The following SH2D5 variants were observed in gnomAD, a reference collection of about 807,000 sequenced individuals.
SH2D5 encodes the protein SH2 domain-containing protein 5.
In SH2D5, 45 loss-of-function variants were observed where a neutral mutation model predicts 48.2. The observed-to-expected ratio is 0.93, with a 90% CI of 0.73 to 1.20. The LOEUF is 1.20. SH2D5 is among the 50% of genes most tolerant of loss of function. SH2D5 has a pLI of 0.00. For synonymous variants in SH2D5, 230 were observed against 249.8 expected (o/e 0.92, Z 0.75); for missense variants, 538 against 584.1 (o/e 0.92, Z 0.81).
At chr1:20,727,317 T>G (rs2054820530) in intron 3 of SH2D5, among the ~76,000 whole-genome samples, 1 of 152,094 alleles carries the variant, frequency 6.6e-6, no homozygotes, top group South Asian at 2.1e-4. Flanking sequence ...ATCTGTGGCT[T>G]CCAGCTGTGG....
rs2054745099 is a variant in SH2D5 at position 20,724,108 on chromosome 1, C to G, written c.774G>C (p.Gln258His). Reference sequence around the variant, plus strand: ...AGGCCTCCCGAGCCGACAGCTGCAGCTGGGTCTCATAGGTGCAGCCGCGGT... The same window carrying G: ...AGGCCTCCCGAGCCGACAGCTGCAGGTGGGTCTCATAGGTGCAGCCGCGGT... ...GAYRGCTYETQLQLSAREAFP... is the reference protein window; with the variant it reads ...GAYRGCTYETHLQLSAREAFP... Residue 258 changes from glutamine (Q) to histidine (H), a missense_variant, in exon 7 of 10, where the codon CAG becomes CAC. Transcript: ENST00000444387. The G allele has an allele frequency of 2.5e-6, 4 of 1,612,134 alleles. No individual in the cohort carries two copies. Among genetic ancestry groups the G allele is most frequent in the Non-Finnish European group, 3.4e-6 (4 of 1,179,278 alleles).
rs1375846122 is a variant in SH2D5, at chr1:20,728,039, C to A, written c.6G>T (p.Gln2His). 1 of 1,545,700 alleles carries A rather than the reference C, an allele frequency of 6.5e-7. No individual in the cohort carries two copies. Among genetic ancestry groups the A allele is most frequent in the South Asian group, 1.2e-5 (1 of 84,116 alleles). M[Q>H]KAGAGGRRAS... ...CCCTGCGGCCCCCAGCCCCCGCCTTCTGCATGGCCCCCAGGGTGCCTGGCT... is the reference window on the plus strand; with the variant it reads ...CCCTGCGGCCCCCAGCCCCCGCCTTATGCATGGCCCCCAGGGTGCCTGGCT... The change falls in exon 2 of 10, where the codon CAG becomes CAT. Residue 2 changes from glutamine to histidine, a missense_variant. Gln to His is a conservative substitution (Grantham distance 24). Transcript: ENST00000444387. The surrounding 1 kb of genome is among the most constrained non-coding windows in gnomAD (Gnocchi z 4.3).
At chr1:20,726,980 T>G (rs759414487) in intron 4 of SH2D5, 21 bp downstream of exon 4, 3 of 1,600,830 alleles carry the variant, frequency 1.9e-6, no homozygotes, top group Admixed American at 3.4e-5. Flanking sequence ...AGTCCTCACC[T>G]GCACCCACAG....
chr1:20,720,580 A>G lies in SH2D5; in HGVS notation c.*1212T>C, dbSNP rs907187995. 1.8e-4 allele frequency: 27 copies of G among 152,252 alleles called. No homozygotes were observed. Among genetic ancestry groups the G allele is most frequent in the African/African-American group, 6.0e-4 (25 of 41,458 alleles). The allele number at this position is 152,252 out of a possible 1,614,324, so 9.4% of individuals were successfully genotyped here. ...GCTTCAATAAGAGAAGTTCATGCAA[A>G]ATGAACTTGTTCTATAACAGAGTTC... On this transcript the variant is annotated 3_prime_UTR_variant, in exon 10 of 10. Transcript: ENST00000444387.
Position 20,729,584 on chromosome 1 carries a change from T to A in SH2D5, c.-42-1498A>T, listed in dbSNP as rs765723937. On this transcript the variant is annotated intron_variant, in intron 1 of 9. Transcript: ENST00000444387. This position sits in a 1 kb window ranked among gnomAD's most constrained non-coding sequence, Gnocchi z 4.2. ...GAGGACAGCGGGGTCTGACCACTTC[T>A]GCTCCCCTCCTTGTCCTTGGCCACA... is the stretch of plus-strand genomic sequence containing the variant. 2.0e-5 allele frequency among the ~76,000 whole-genome samples: 3 copies of A among 152,136 alleles called. No homozygotes were observed. The highest frequency in any genetic ancestry group is 4.4e-5 in the Non-Finnish European group (3 of 68,018).
At position 20,729,028 on chromosome 1, in the gene SH2D5, C is replaced by T. The variant is rs551789494; in HGVS notation, c.-42-942G>A. 3.9e-5 allele frequency among the ~76,000 whole-genome samples: 6 copies of T among 152,194 alleles called. No homozygotes were observed. Among genetic ancestry groups the T allele is most frequent in the African/African-American group, 7.2e-5 (3 of 41,440 alleles). ...GCCCTGGGGGCTGAGGACCACCCCCCACCGTCCAGCCCAGCCAGGTTCTGG... is the reference window on the plus strand; with the variant it reads ...GCCCTGGGGGCTGAGGACCACCCCCTACCGTCCAGCCCAGCCAGGTTCTGG... On this transcript the variant is annotated intron_variant, in intron 1 of 9. Transcript: ENST00000444387. The surrounding 1 kb of genome is among the most constrained non-coding windows in gnomAD (Gnocchi z 4.2).
chr1:20,723,806 C>T (rs1476559396), intron 7 of SH2D5, 72 bp from the exon 8 acceptor site: 1 of 1,295,708 alleles, frequency 7.7e-7, no homozygotes, highest in Non-Finnish European at 1.1e-6. Flanking sequence ...CAGGCCTCAT[C>T]ACCCAGGGTG....
chr1:20,725,012 A>G (rs2054768227), intron 5 of SH2D5, among the ~76,000 whole-genome samples: 1 of 152,162 alleles, frequency 6.6e-6, no homozygotes. Context: ...TTGGGTTCCA[A>G]TCCTGGCTCT....
chr1:20,731,719 C>A (rs1196423752), intron 1 of SH2D5: 4 of 152,188 alleles, frequency 2.6e-5, no homozygotes, highest in Admixed American at 6.5e-5. Flanking sequence ...TGGGCCGAGG[C>A]CCCTGAGGGG....
chr1:20,724,496 C>T lies in SH2D5; in HGVS notation c.530G>A (p.Gly177Asp), dbSNP rs2054756891. The part of the protein sequence containing the change: ...VPLKPLSSSG[G>D]LVREPFGRDQ... ...ACGGCCGAAGGGCTCCCGCACCAGGCCCCCAGAGCTGGACAGTGGCTTCAG... is the reference window on the plus strand; with the variant it reads ...ACGGCCGAAGGGCTCCCGCACCAGGTCCCCAGAGCTGGACAGTGGCTTCAG... Residue 177 changes from glycine (G) to aspartate (D), a missense_variant, in exon 6 of 10, where the codon GGC becomes GAC. By Grantham distance (94) the Gly-to-Asp change is moderately conservative. Transcript: ENST00000444387. The T allele has an allele frequency of 1.3e-5, 21 of 1,612,586 alleles. No individual in the cohort carries two copies. The highest frequency in any genetic ancestry group is 9.9e-5 in the South Asian group (9 of 91,040).
intron 9 of SH2D5, 26 bp from the exon 10 acceptor site, chr1:20,722,021 C>T (rs757608777): frequency 3.7e-6 from 6 of 1,601,814 alleles, no homozygotes; most frequent in South Asian, 1.1e-5. Flanking sequence ...ACTTCAGCTC[C>T]AGTCCCCTTC....
At chr1:20,723,027 G>A in intron 8 of SH2D5, 112 bp from the exon 9 acceptor site, 3 of 1,079,114 alleles carry the variant, frequency 2.8e-6, no homozygotes, top group Non-Finnish European at 2.5e-6. Flanking sequence ...TAAACACACG[G>A]TGCGTTGGCC....
chr1:20,728,035 C>T lies in SH2D5; in HGVS notation c.10G>A (p.Ala4Thr), dbSNP rs2154538638. The change falls in exon 2 of 10, where the codon GCG (alanine) becomes ACG (threonine). Residue 4 changes from alanine to threonine, a missense_variant. Transcript: ENST00000444387. This position sits in a 1 kb window ranked among gnomAD's most constrained non-coding sequence, Gnocchi z 4.3. MQKAGAGGRRASDC... is the reference protein window; with the variant it reads MQKTGAGGRRASDC... ...GAGGCCCTGCGGCCCCCAGCCCCCG[C>T]CTTCTGCATGGCCCCCAGGGTGCCT... 1 of 1,548,140 alleles carries T rather than the reference C, an allele frequency of 6.5e-7. No individual in the cohort carries two copies. The highest frequency in any genetic ancestry group is 1.4e-5 in the African/African-American group (1 of 73,384).
In SH2D5 at chr1:20,719,742, A is replaced by G. The variant is rs574976005; in HGVS notation, c.*2050T>C. ...TGTAGCAGACAATCTGAAGCAACAC[A>G]TTTTATTTTGTTTCAAGTCCACACA... is the stretch of plus-strand genomic sequence containing the variant. On this transcript the variant is annotated 3_prime_UTR_variant, in exon 10 of 10. Coordinates refer to ENST00000444387, the MANE Select transcript of SH2D5 (RefSeq NM_001103161.2). 30 of 152,208 alleles carry G rather than the reference A, an allele frequency of 2.0e-4. No homozygotes were observed. The highest frequency in any genetic ancestry group is 7.0e-4 in the African/African-American group (29 of 41,446). The allele number at this position is 152,208 out of a possible 1,614,324, so 9.4% of individuals were successfully genotyped here.
At chr1:20,724,316 GC>G (rs2154538484) in intron 6 of SH2D5, 65 bp from the exon 7 acceptor site, 5 of 1,601,834 alleles carry the variant, frequency 3.1e-6, no homozygotes, top group Non-Finnish European at 4.3e-6. Context: ...GCCAAGTGAA[GC>G]CCCTGCCCTG....
chr1:20,725,659 C>T (rs1480190753), intron 5 of SH2D5, among the ~76,000 whole-genome samples: 1 of 152,184 alleles, frequency 6.6e-6, no homozygotes, highest in East Asian at 1.9e-4. Flanking sequence ...ACGGCATGAG[C>T]GAAGGCCTGG....
chr1:20,728,860 C>A lies in SH2D5; in HGVS notation c.-42-774G>T, dbSNP rs559365072. ...TGGCCAGAGCTGATGAGGCCAGGGACCTGCTGCATGGGACCCTGCCTCACT... is the reference window on the plus strand; with the variant it reads ...TGGCCAGAGCTGATGAGGCCAGGGAACTGCTGCATGGGACCCTGCCTCACT... On this transcript the variant is annotated intron_variant, in intron 1 of 9. Transcript: ENST00000444387. The surrounding 1 kb of genome is among the most constrained non-coding windows in gnomAD (Gnocchi z 4.3). Among the ~76,000 whole-genome samples, 102 of 152,282 alleles carry A rather than the reference C, an allele frequency of 6.7e-4. No individual in the cohort carries two copies. Among genetic ancestry groups the A allele is most frequent in the African/African-American group, 2.3e-3 (96 of 41,554 alleles).
At position 20,722,801 on chromosome 1, in the gene SH2D5, C is replaced by T. The variant is rs1183130956; in HGVS notation, c.1023G>A (p.Val341=). 28 of 1,586,772 alleles carry T rather than the reference C, an allele frequency of 1.8e-5. No individual in the cohort carries two copies. Among genetic ancestry groups the T allele is most frequent in the Middle Eastern group, 1.7e-4 (1 of 5,920 alleles). ...GGTGGTTCCGGAAGACCTGGTGGGG[C>T]ACCACGCCGCACTGCGTGCGCACGG... ...CLSVRTQCGV[V]PHQVFRNHLG... is the part of the protein sequence containing the mutation. The change falls in exon 9 of 10, where the codon GTG becomes GTA. Residue 341 remains valine, a synonymous_variant. Transcript: ENST00000444387.
In SH2D5 at chr1:20,724,592, G is replaced by C. The variant is rs760641945; in HGVS notation, c.434C>G (p.Ala145Gly). 102 of 1,592,826 alleles carry C rather than the reference G, an allele frequency of 6.4e-5. No homozygotes were observed. Among genetic ancestry groups the C allele is most frequent in the Non-Finnish European group, 8.5e-5 (99 of 1,170,332 alleles). Residue 145 changes from alanine to glycine, a missense_variant, in exon 6 of 10, where the codon GCT becomes GGT. Transcript: ENST00000444387. ...HLLLCRSFQLAYLLQHPEERA... is the reference protein window; with the variant it reads ...HLLLCRSFQLGYLLQHPEERA... ...CTCCTCAGGGTGCTGCAAGAGGTAA[G>C]CCAGCTGGAAAGAGCGGCACAGCAG... is the stretch of plus-strand genomic sequence containing the variant.
Sources: allele counts gnomAD v4.1 joint callset (sites outside exome capture counted in the v4.1 genomes callset), GRCh38; gene constraint gnomAD v4.1.1; non-coding constraint Gnocchi (gnomAD v3.1); transcripts MANE v1.5; gene names NCBI Gene and HGNC (gene_info 2026-07-23, HGNC 2026-07-21).